The following PLA2G10 variants were observed in gnomAD, a reference collection of about 807,000 sequenced individuals.
The protein encoded by PLA2G10 is group 10 secretory phospholipase A2.
Under a neutral mutation model 7.9 loss-of-function variants are expected in PLA2G10, and 9 were observed. That is an observed-to-expected ratio of 1.14 (90% CI 0.68 to 1.98). PLA2G10 has a LOEUF of 1.98. Among genes scored for constraint, PLA2G10 ranks in the 30% most tolerant of loss-of-function variants. The probability of loss-of-function intolerance (pLI) is 0.00; values close to 1 mark genes in which losing one functional copy is unlikely to be tolerated. For synonymous variants in PLA2G10, 19 were observed against 27.5 expected, an observed-to-expected ratio of 0.69 and a Z score of 0.97; for missense variants, 53 against 65.4, an observed-to-expected ratio of 0.81 and a Z score of 0.66.
At chr16:14,673,963 T>C (rs779097892) in intron 3 of PLA2G10, among the ~76,000 whole-genome samples, 1 of 152,128 alleles carries the variant, frequency 6.6e-6, no homozygotes, top group Non-Finnish European at 1.5e-5. Context: ...CTGCCAATGA[T>C]ACAATCATAT....
chr16:14,683,228 CTTTTTTTGTT>C (rs1376697638), intron 3 of PLA2G10, among the ~76,000 whole-genome samples: 1 of 147,986 alleles, frequency 6.8e-6, no homozygotes, highest in Non-Finnish European at 1.5e-5. Context: ...CTTTTTCTTT[CTTTTTTTGTT>C]TTTTTTTTTT....
chr16:14,680,831 CA>C (rs1363082844), intron 3 of PLA2G10, among the ~76,000 whole-genome samples: 1 of 152,052 alleles, frequency 6.6e-6, no homozygotes, highest in Non-Finnish European at 1.5e-5. Flanking sequence ...TGGAGCCCGG[CA>C]GAGTAGACTC....
intron 3 of PLA2G10, among the ~76,000 whole-genome samples, chr16:14,687,556 CT>C (rs1467548883): frequency 6.6e-6 from 1 of 152,084 alleles, no homozygotes; most frequent in Non-Finnish European, 1.5e-5. Context: ...AGCGATCCTC[CT>C]TCTGGTCCCC....
At chr16:14,683,236 G>GTT (rs765772776) in intron 3 of PLA2G10, among the ~76,000 whole-genome samples, 7 of 135,066 alleles carry the variant, frequency 5.2e-5, no homozygotes, top group Non-Finnish European at 6.4e-5. Flanking sequence ...TTCTTTTTTT[G>GTT]TTTTTTTTTT....
At chr16:14,673,093 C>T (rs1232198233) in intron 3 of PLA2G10, among the ~76,000 whole-genome samples, 1 of 147,964 alleles carries the variant, frequency 6.8e-6, no homozygotes, top group Non-Finnish European at 1.5e-5. Flanking sequence ...GATCTCAGCT[C>T]ACTGCAGCCT....
intron 3 of PLA2G10, among the ~76,000 whole-genome samples, chr16:14,685,642 C>A (rs1166328460): frequency 6.6e-6 from 1 of 152,108 alleles, no homozygotes; most frequent in Non-Finnish European, 1.5e-5. Context: ...CTAAGTATCA[C>A]TGAATTATAC....
At chr16:14,675,515 AATC>A (rs1158691006) in intron 3 of PLA2G10, among the ~76,000 whole-genome samples, 11 of 152,210 alleles carry the variant, frequency 7.2e-5, no homozygotes, top group African/African-American at 2.4e-4. Context: ...CAAAAGAAGT[AATC>A]ATCAGAGTAA....
chr16:14,681,200 G>T (rs924613246), intron 3 of PLA2G10, among the ~76,000 whole-genome samples: 2 of 151,124 alleles, frequency 1.3e-5, no homozygotes, highest in African/African-American at 4.9e-5. Flanking sequence ...AAAAGGGGGA[G>T]GGGGGAGAGA....
chr16:14,673,311 C>A (rs984884058), intron 3 of PLA2G10, among the ~76,000 whole-genome samples: 8 of 151,982 alleles, frequency 5.3e-5, no homozygotes, highest in Admixed American at 5.2e-4. Context: ...GCGTGAGCCA[C>A]CATGCCTGGC....
chr16:14,679,026 T>C (rs986162992), intron 3 of PLA2G10, among the ~76,000 whole-genome samples: 2 of 152,048 alleles, frequency 1.3e-5, no homozygotes, highest in Non-Finnish European at 2.9e-5. Flanking sequence ...CGTGGCTGTC[T>C]CCTCTGTTCC....
intron 3 of PLA2G10, among the ~76,000 whole-genome samples, chr16:14,680,073 T>C: frequency 6.6e-6 from 1 of 151,850 alleles, no homozygotes; most frequent in South Asian, 2.1e-4. Context: ...CTCGATGCTG[T>C]ATTTCTTCTT....
At chr16:14,677,732 T>C (rs568804036) in intron 3 of PLA2G10, among the ~76,000 whole-genome samples, 1 of 152,048 alleles carries the variant, frequency 6.6e-6, no homozygotes, top group East Asian at 1.9e-4. Context: ...GATGGATGGA[T>C]GGATGGATGA....
intron 3 of PLA2G10, among the ~76,000 whole-genome samples, chr16:14,679,673 A>AAAT (rs1172261112): frequency 7.3e-4 from 104 of 141,816 alleles, no homozygotes; most frequent in Non-Finnish European, 9.3e-4. Context: ...AAAAAAAAAA[A>AAAT]AATAATAATA....
chr16:14,672,637 T>G lies in PLA2G10; in HGVS notation c.468A>C (p.Leu156=), dbSNP rs142440622. 3.7e-6 allele frequency: 6 copies of G among 1,613,990 alleles called. No homozygotes were observed. The change falls in exon 4 of 4, where the codon CTA becomes CTC. Residue 156 remains leucine, a synonymous_variant. Transcript: ENST00000438167. Reference sequence around the variant, plus strand: ...CACACTTGGGCGAGTCCGGCTCACATAGGAACTGGGGGTAGAAGAGGTACT... The same window carrying G: ...CACACTTGGGCGAGTCCGGCTCACAGAGGAACTGGGGGTAGAAGAGGTACT... ...NLKYLFYPQF[L]CEPDSPKCD
At chr16:14,684,098 C>T (rs1025552808) in intron 3 of PLA2G10, among the ~76,000 whole-genome samples, 4 of 151,630 alleles carry the variant, frequency 2.6e-5, no homozygotes, top group Admixed American at 6.6e-5. Context: ...TGGTGGCTCG[C>T]GCCTGTAATC....
intron 3 of PLA2G10, among the ~76,000 whole-genome samples, chr16:14,673,046 G>T (rs1383044523): frequency 6.8e-6 from 1 of 147,996 alleles, no homozygotes; most frequent in East Asian, 1.9e-4. Context: ...CTGAGATGGG[G>T]GCTTGCTCTG....
chr16:14,684,261 C>G (rs1449159868), intron 3 of PLA2G10, among the ~76,000 whole-genome samples: 1 of 137,160 alleles, frequency 7.3e-6, no homozygotes, highest in Non-Finnish European at 1.5e-5. Flanking sequence ...AGCTTGAGTT[C>G]AGGAGGCGGA....
At chr16:14,684,097 G>A (rs972614567) in intron 3 of PLA2G10, among the ~76,000 whole-genome samples, 1 of 151,364 alleles carries the variant, frequency 6.6e-6, no homozygotes, top group Non-Finnish European at 1.5e-5. Flanking sequence ...GTGGTGGCTC[G>A]CGCCTGTAAT....
intron 3 of PLA2G10, among the ~76,000 whole-genome samples, chr16:14,674,415 C>G (rs557611836): frequency 6.6e-6 from 1 of 152,048 alleles, no homozygotes; most frequent in South Asian, 2.1e-4. Flanking sequence ...TAAAAAAGAG[C>G]CAAATAGGCT....
Sources: allele counts gnomAD v4.1 joint callset (sites outside exome capture counted in the v4.1 genomes callset), GRCh38; gene constraint gnomAD v4.1.1; transcripts MANE v1.5; gene names NCBI Gene and HGNC (gene_info 2026-07-23, HGNC 2026-07-21).